The following IGSF21 variants were observed in gnomAD, a reference collection of about 807,000 sequenced individuals.
The protein encoded by IGSF21 is immunoglobin superfamily member 21.
Under a neutral mutation model 46.8 loss-of-function variants are expected in IGSF21, and 28 were observed. That is an observed-to-expected ratio of 0.60 (90% confidence interval 0.44 to 0.82). The LOEUF (loss-of-function observed/expected upper bound fraction) is 0.82, where lower values mean the gene tolerates loss of function less well. IGSF21 is among the 40% of genes least tolerant of loss of function. The probability of loss-of-function intolerance (pLI) is 0.00; values close to 1 mark genes in which losing one functional copy is unlikely to be tolerated. For missense variants in IGSF21, 624 were observed against 665.5 expected, an observed-to-expected ratio of 0.94 and a Z score of 0.69; for synonymous variants, 284 against 273.6, an observed-to-expected ratio of 1.04 and a Z score of -0.38.
chr1:18,178,006 G>C (rs536177679), intron 1 of IGSF21, among the ~76,000 whole-genome samples: 11 of 152,162 alleles, frequency 7.2e-5, no homozygotes, highest in Non-Finnish European at 1.6e-4. Context: ...CAGTGCTTAA[G>C]CCATCACATA....
intron 6 of IGSF21, among the ~76,000 whole-genome samples, chr1:18,375,415 G>A (rs1470508572): frequency 6.6e-6 from 1 of 152,176 alleles, no homozygotes; most frequent in African/African-American, 2.4e-5. Flanking sequence ...ATTATCCGTG[G>A]AGCTCTGTTT....
chr1:18,111,110 G>GGT (rs900472548), intron 1 of IGSF21: 10 of 152,394 alleles, frequency 6.6e-5, no homozygotes, highest in Non-Finnish European at 1.2e-4. Flanking sequence ...CGCGCGAGCG[G>GGT]GTGTGACGAC....
intron 1 of IGSF21, among the ~76,000 whole-genome samples, chr1:18,117,165 G>A (rs1465921872): frequency 6.6e-6 from 1 of 152,226 alleles, no homozygotes; most frequent in Non-Finnish European, 1.5e-5. Context: ...GTTATAAATG[G>A]TTGCTCTGGG....
At chr1:18,187,615 C>T (rs2086916293) in intron 1 of IGSF21, among the ~76,000 whole-genome samples, 1 of 152,180 alleles carries the variant, frequency 6.6e-6, no homozygotes, top group Non-Finnish European at 1.5e-5. Context: ...TCCCACAACA[C>T]ATAGGAATTA....
chr1:18,232,221 T>G (rs2084635313), intron 2 of IGSF21, among the ~76,000 whole-genome samples: 2 of 150,708 alleles, frequency 1.3e-5, no homozygotes, highest in African/African-American at 4.9e-5. Context: ...TTTTTTTGGC[T>G]AATAGAGTAG....
intron 2 of IGSF21, among the ~76,000 whole-genome samples, chr1:18,288,570 C>G (rs2085237246): frequency 6.6e-6 from 1 of 152,224 alleles, no homozygotes; most frequent in African/African-American, 2.4e-5. Context: ...TGTCTTCCAG[C>G]ACACCCACCA....
In IGSF21 at chr1:18,321,727, C is replaced by T. The variant is rs536462745; in HGVS notation, c.306-13165C>T. On this transcript the variant is annotated intron_variant, in intron 3 of 9. Coordinates refer to ENST00000251296, the MANE Select transcript of IGSF21 (RefSeq NM_032880.5). Reference sequence around the variant, plus strand: ...CCGTAATCGCCTCCCAAAAGCCCCTCCTTCTAATACAATTCCATTGGTAAT... The same window carrying T: ...CCGTAATCGCCTCCCAAAAGCCCCTTCTTCTAATACAATTCCATTGGTAAT... 2.6e-5 allele frequency among the ~76,000 whole-genome samples: 4 copies of T among 152,308 alleles called. No homozygotes were observed. The East Asian group carries it at 7.8e-4, about 30-fold the overall frequency.
intron 4 of IGSF21, among the ~76,000 whole-genome samples, chr1:18,351,917 C>T (rs2085961113): frequency 6.6e-6 from 1 of 152,176 alleles, no homozygotes; most frequent in Non-Finnish European, 1.5e-5. Context: ...CCACAGGCTG[C>T]GGGGCAGGCT....
chr1:18,195,855 G>T lies in IGSF21; in HGVS notation c.71-32043G>T, dbSNP rs528360628. ...AACAGATGCTGGTCCCTAGGGCAGTGCATGGCAATAGTAGAGCCCAGAGAG... is the reference window on the plus strand; with the variant it reads ...AACAGATGCTGGTCCCTAGGGCAGTTCATGGCAATAGTAGAGCCCAGAGAG... On this transcript the variant is annotated intron_variant, in intron 1 of 9. Coordinates refer to ENST00000251296, the MANE Select transcript of IGSF21 (RefSeq NM_032880.5). 3.3e-5 allele frequency among the ~76,000 whole-genome samples: 5 copies of T among 152,346 alleles called. No homozygotes were observed. The East Asian group carries it at 9.7e-4, about 29-fold the overall frequency.
intron 4 of IGSF21, among the ~76,000 whole-genome samples, chr1:18,352,048 C>T (rs991533577): frequency 3.9e-5 from 6 of 152,166 alleles, no homozygotes; most frequent in African/African-American, 1.4e-4. Context: ...TGGAAAGTTG[C>T]ACCGGTTGTG....
chr1:18,229,361 G>A (rs1333267565), intron 2 of IGSF21, among the ~76,000 whole-genome samples: 1 of 152,190 alleles, frequency 6.6e-6, no homozygotes, highest in Non-Finnish European at 1.5e-5. Context: ...GGGCATGCGT[G>A]CTGTTCATAG....
chr1:18,244,016 T>C (rs2084759311), intron 2 of IGSF21, among the ~76,000 whole-genome samples: 1 of 152,232 alleles, frequency 6.6e-6, no homozygotes. Context: ...CAACCAAGCA[T>C]GCCTGGAACA....
At chr1:18,271,916 T>C (rs1431802004) in intron 2 of IGSF21, among the ~76,000 whole-genome samples, 2 of 152,134 alleles carry the variant, frequency 1.3e-5, no homozygotes, top group African/African-American at 4.8e-5. Context: ...CAGGGTGTCA[T>C]TGAGAGGCAG....
intron 1 of IGSF21, among the ~76,000 whole-genome samples, chr1:18,148,305 T>G (rs1016639746): frequency 6.6e-6 from 1 of 151,994 alleles, no homozygotes; most frequent in African/African-American, 2.4e-5. Flanking sequence ...TAATTTTTTT[T>G]GTATTTTTAG....
At chr1:18,158,459 A>C (rs1380934182) in intron 1 of IGSF21, among the ~76,000 whole-genome samples, 2 of 152,130 alleles carry the variant, frequency 1.3e-5, no homozygotes, top group Non-Finnish European at 2.9e-5. Flanking sequence ...CGGCTTGTTA[A>C]TATCCTCCTG....
chr1:18,336,428 C>T (rs1032361409), intron 4 of IGSF21, among the ~76,000 whole-genome samples: 2 of 152,158 alleles, frequency 1.3e-5, no homozygotes, highest in African/African-American at 4.8e-5. Flanking sequence ...GTCCATTTTG[C>T]AGATGCAGAA....
At chr1:18,366,632 G>T (rs1274920163) in intron 6 of IGSF21, among the ~76,000 whole-genome samples, 4 of 152,154 alleles carry the variant, frequency 2.6e-5, no homozygotes, top group African/African-American at 4.8e-5. Context: ...CCAGGTTGGG[G>T]TCAGGAACAC....
At chr1:18,283,882 A>G (rs1322314199) in intron 2 of IGSF21, among the ~76,000 whole-genome samples, 2 of 152,204 alleles carry the variant, frequency 1.3e-5, no homozygotes, top group African/African-American at 4.8e-5. Context: ...ATCCAAAAGA[A>G]AAAATGATGT....
chr1:18,234,682 T>A (rs1022923437), intron 2 of IGSF21, among the ~76,000 whole-genome samples: 7 of 152,072 alleles, frequency 4.6e-5, no homozygotes, highest in Non-Finnish European at 8.8e-5. Context: ...TATAAAACCA[T>A]CATGTCTTGT....
Sources: allele counts gnomAD v4.1 joint callset (sites outside exome capture counted in the v4.1 genomes callset), GRCh38; gene constraint gnomAD v4.1.1; transcripts MANE v1.5; gene names NCBI Gene and HGNC (gene_info 2026-07-23, HGNC 2026-07-21).